APOL3: variants seen among roughly 807,000 people sequenced by gnomAD.
APOL3 encodes the protein apolipoprotein L3.
Under a neutral mutation model 11.6 loss-of-function variants are expected in APOL3, and 14 were observed. The ratio of observed to expected loss-of-function variants is 1.21; its 90% CI spans 0.80 to 1.89. The LOEUF is 1.89. Among genes scored for constraint, APOL3 ranks in the 40% most tolerant of loss-of-function variants. APOL3 has a pLI of 0.00. For synonymous variants in APOL3, 192 were observed against 190.6 expected, an observed-to-expected ratio of 1.01 and a Z score of -0.06; for missense variants, 483 against 492.1, an observed-to-expected ratio of 0.98 and a Z score of 0.17.
intron 1 of APOL3, among the ~76,000 whole-genome samples, chr22:36,151,049 C>G (rs1425712350): frequency 6.6e-6 from 1 of 152,148 alleles, no homozygotes; most frequent in Non-Finnish European, 1.5e-5. Flanking sequence ...CAAGAATTGC[C>G]TGCTAAGCAG....
chr22:36,164,037 A>C (rs973886482), upstream of APOL3, among the ~76,000 whole-genome samples: 2 of 152,224 alleles, frequency 1.3e-5, no homozygotes, highest in African/African-American at 4.8e-5. Flanking sequence ...TTTATGCTAA[A>C]ATAGCTGTTT....
rs151229193 is a variant in APOL3, at chr22:36,144,426, T to A, written c.350+1047A>T. ...TTCTCAGGCTTTAACCACACGCCCA[T>A]CTGATTGAACTACTATTAGCATTGG... On this transcript the variant is annotated intron_variant, in intron 2 of 2. Coordinates refer to ENST00000349314, the Ensembl canonical transcript of APOL3. Among the ~76,000 whole-genome samples, 172 of 152,242 alleles carry A rather than the reference T, an allele frequency of 1.1e-3. 1 individual carries two copies. Among genetic ancestry groups the A allele is most frequent in the African/African-American group, 4.0e-3 (168 of 41,534 alleles).
intron 2 of APOL3, among the ~76,000 whole-genome samples, chr22:36,144,098 C>G (rs1033897308): frequency 6.6e-6 from 1 of 152,160 alleles, no homozygotes; most frequent in Non-Finnish European, 1.5e-5. Context: ...GGCATGCTGT[C>G]AGGGAAACAG....
intron 1 of APOL3, chr22:36,145,995 T>TCA: frequency 7.8e-6 from 1 of 128,432 alleles, no homozygotes; most frequent in Non-Finnish European, 1.6e-5. Flanking sequence ...TCTCTCTCTC[T>TCA]CTCTCTCACA....
chr22:36,159,446 G>A (rs1361885037), intron 1 of APOL3: 3 of 152,212 alleles, frequency 2.0e-5, no homozygotes, highest in African/African-American at 7.2e-5. Context: ...AAAGTATAAT[G>A]TTAATAATCC....
intron 1 of APOL3, among the ~76,000 whole-genome samples, chr22:36,146,739 A>G (rs1181111901): frequency 2.0e-5 from 3 of 152,134 alleles, no homozygotes; most frequent in Admixed American, 6.5e-5. Flanking sequence ...AAAGGTACAA[A>G]TGTTTCAACA....
intron 1 of APOL3, among the ~76,000 whole-genome samples, chr22:36,156,195 A>G (rs1444156780): frequency 1.3e-5 from 2 of 152,090 alleles, no homozygotes; most frequent in Non-Finnish European, 1.5e-5. Flanking sequence ...TCTAGGATCA[A>G]TCGATCCTCC....
At chr22:36,160,855 A>G (rs775201971) in exon 1 of APOL3, 2 of 1,613,128 alleles carry the variant, frequency 1.2e-6, no homozygotes, top group Admixed American at 3.3e-5. Flanking sequence ...CATGCAAAAC[A>G]GGATGCTTCC....
chr22:36,162,223 G>A (rs2146913077), upstream of APOL3, among the ~76,000 whole-genome samples: 1 of 152,258 alleles, frequency 6.6e-6, no homozygotes, highest in East Asian at 1.9e-4. Context: ...CCTAAGTTCA[G>A]CCCCAGAGCC....
intron 2 of APOL3, among the ~76,000 whole-genome samples, chr22:36,144,097 T>C (rs2146748901): frequency 6.6e-6 from 1 of 152,242 alleles, no homozygotes; most frequent in African/African-American, 2.4e-5. Flanking sequence ...AGGCATGCTG[T>C]CAGGGAAACA....
At chr22:36,147,408 G>A (rs957199046) in intron 1 of APOL3, among the ~76,000 whole-genome samples, 4 of 152,180 alleles carry the variant, frequency 2.6e-5, no homozygotes, top group Non-Finnish European at 5.9e-5. Context: ...AGCTGGCCGC[G>A]TTATTAAACC....
chr22:36,153,330 G>A, intron 1 of APOL3: 1 of 453,508 alleles, frequency 2.2e-6, no homozygotes. Context: ...AAAGTTGATG[G>A]AGAAGTGTGA....
intron 1 of APOL3, 133 bp from the exon 2 acceptor site, chr22:36,149,275 T>A: frequency 1.5e-6 from 2 of 1,305,714 alleles, no homozygotes; most frequent in East Asian, 5.5e-5. Flanking sequence ...CGGTGTTTTT[T>A]AATCTCCTGG....
rs2060087355 is a variant in APOL3, at chr22:36,143,771, G to T, written c.350+1702C>A. Reference sequence around the variant, plus strand: ...GTCACATGTCACCAGCCAAACTAATGCCTTAGCAGGTGACAGCTTCACCTG... The same window carrying T: ...GTCACATGTCACCAGCCAAACTAATTCCTTAGCAGGTGACAGCTTCACCTG... On this transcript the variant is annotated intron_variant, in intron 2 of 2. Coordinates refer to ENST00000349314, the Ensembl canonical transcript of APOL3. 2.0e-5 allele frequency among the ~76,000 whole-genome samples: 3 copies of T among 152,248 alleles called. No homozygotes were observed. The South Asian group carries it at 6.2e-4, about 32-fold the overall frequency.
intron 1 of APOL3, chr22:36,156,816 G>T: frequency 2.6e-6 from 1 of 379,912 alleles, no homozygotes. Context: ...ACCCTGCGGT[G>T]TTCCCAGCTG....
Position 36,144,741 on chromosome 22 carries a change from G to A in APOL3, c.350+732C>T, listed in dbSNP as rs191466319. The stretch of plus-strand genomic sequence containing the variant: ...AGAAAAACACTTGGTCGGGCGCAGC[G>A]GCTCATGCCTGTAATCCCAGCACCT... On this transcript the variant is annotated intron_variant, in intron 2 of 2. Transcript: ENST00000349314. 5.0e-3 allele frequency among the ~76,000 whole-genome samples: 755 copies of A among 152,232 alleles called. 7 individuals are homozygous for A. The highest frequency in any genetic ancestry group is 8.8e-3 in the Non-Finnish European group (601 of 68,010).
chr22:36,145,684 C>A (rs1460302362), intron 1 of APOL3, 85 bp from the exon 3 acceptor site: 10 of 1,517,734 alleles, frequency 6.6e-6, no homozygotes, highest in Non-Finnish European at 8.9e-6. Context: ...CGAGGTTAAT[C>A]CTCCTCAACC....
intron 1 of APOL3, among the ~76,000 whole-genome samples, chr22:36,160,383 G>A (rs1349596170): frequency 2.0e-5 from 3 of 152,150 alleles, no homozygotes; most frequent in East Asian, 1.9e-4. Context: ...TGGGGTCACC[G>A]GGCCATGTCT....
At chr22:36,145,526 C>T (rs776053188) in exon 2 of APOL3, 1 of 1,614,064 alleles carries the variant, frequency 6.2e-7, no homozygotes, top group East Asian at 2.2e-5. Flanking sequence ...TGTTAGTCAG[C>T]AGGATTTGCA....
Sources: allele counts gnomAD v4.1 joint callset (sites outside exome capture counted in the v4.1 genomes callset), GRCh38; gene constraint gnomAD v4.1.1; transcripts MANE v1.5; gene names NCBI Gene and HGNC (gene_info 2026-07-23, HGNC 2026-07-21).